PNPLA7: variants seen among roughly 807,000 people sequenced by gnomAD.
PNPLA7 encodes the protein patatin like domain 7, lysophospholipase.
Under a neutral mutation model 161.7 loss-of-function variants are expected in PNPLA7, and 153 were observed. The observed-to-expected ratio is 0.95, with a 90% CI of 0.83 to 1.08. The LOEUF is 1.08. PNPLA7 is among the 50% of genes least tolerant of loss of function. The probability of loss-of-function intolerance (pLI) is 0.00; values close to 1 mark genes in which losing one functional copy is unlikely to be tolerated. For missense variants in PNPLA7, 1,739 were observed against 1,856.6 expected (o/e 0.94, Z 1.16); for synonymous variants, 809 against 782.1 (o/e 1.03, Z -0.57).
In PNPLA7 at chr9:137,461,939, C is replaced by T; in HGVS notation, c.3748G>A (p.Ala1250Thr). ...RDQQGPSKKPASAVLTCPNAS... is the reference protein window; with the variant it reads ...RDQQGPSKKPTSAVLTCPNAS... The stretch of plus-strand genomic sequence containing the variant: ...CGGACGCCCGTACTCACCGCACTCG[C>T]GGGCTTCTTGCTCGGCCCCTGCTGG... The change falls in exon 32 of 35, where the codon GCG (alanine) becomes ACG (threonine). Residue 1250 changes from alanine to threonine, a missense_variant. Around this residue, in one of 6 missense-constraint regions of PNPLA7, gnomAD observed 703 missense variants for 694.6 expected, o/e 1.01. Coordinates refer to ENST00000406427, the MANE Select transcript of PNPLA7 (RefSeq NM_001098537.3). 6.4e-7 allele frequency: 1 copy of T among 1,573,490 alleles called. No individual in the cohort carries two copies.
At position 137,532,892 on chromosome 9, in the gene PNPLA7, C is replaced by T. The variant is rs539740061; in HGVS notation, c.747+7750G>A. Among the ~76,000 whole-genome samples, 5 of 152,314 alleles carry T rather than the reference C, an allele frequency of 3.3e-5. No homozygotes were observed. The East Asian group carries it at 9.6e-4, about 29-fold the overall frequency. Reference sequence around the variant, plus strand: ...GCTACGAATCCAAGAACAGTGTCCACTCCAGACGGGAGCACTCCCAGACTC... The same window carrying T: ...GCTACGAATCCAAGAACAGTGTCCATTCCAGACGGGAGCACTCCCAGACTC... On this transcript the variant is annotated intron_variant, in intron 8 of 34. Coordinates refer to ENST00000406427, the MANE Select transcript of PNPLA7 (RefSeq NM_001098537.3).
intron 14 of PNPLA7, among the ~76,000 whole-genome samples, chr9:137,503,549 G>A (rs530001791): frequency 7.3e-6 from 1 of 136,300 alleles, no homozygotes; most frequent in Admixed American, 7.4e-5. Context: ...GAAGGAGAAG[G>A]AGGAGGGAGA....
chr9:137,461,392 A>G (rs1411964694), intron 33 of PNPLA7, 144 bp downstream of exon 33: 4 of 891,712 alleles, frequency 4.5e-6, no homozygotes, highest in Non-Finnish European at 4.9e-6. Flanking sequence ...GAGGAGTGCC[A>G]CCAAGCACCC....
chr9:137,522,134 GCACC>G (rs1835029039), intron 9 of PNPLA7, among the ~76,000 whole-genome samples: 9 of 152,148 alleles, frequency 5.9e-5, no homozygotes, highest in African/African-American at 1.4e-4. Flanking sequence ...GAGTGCAGTG[GCACC>G]ATCTCGGCTC....
intron 24 of PNPLA7, 30 bp downstream of exon 24, chr9:137,479,026 C>T (rs1236844730): frequency 1.1e-5 from 17 of 1,524,250 alleles, no homozygotes; most frequent in East Asian, 4.8e-5. Context: ...CACGGAGCCA[C>T]GGGCAGGCAG....
chr9:137,533,492 G>A (rs1457016885), intron 8 of PNPLA7, among the ~76,000 whole-genome samples: 1 of 148,612 alleles, frequency 6.7e-6, no homozygotes, highest in Non-Finnish European at 1.5e-5. Flanking sequence ...CTCCAGGCGG[G>A]AGGACTCCCA....
At chr9:137,501,489 C>T (rs1425764669) in intron 15 of PNPLA7, among the ~76,000 whole-genome samples, 161 bp downstream of exon 15, 2 of 152,222 alleles carry the variant, frequency 1.3e-5, no homozygotes, top group African/African-American at 4.8e-5. Flanking sequence ...TCAGGGCTGC[C>T]TGAGGGGAGG....
intron 18 of PNPLA7, 123 bp from the exon 19 acceptor site, chr9:137,495,269 G>A (rs749258172): frequency 1.3e-4 from 83 of 652,094 alleles, no homozygotes; most frequent in Non-Finnish European, 1.9e-4. Flanking sequence ...ACCGCAAGGC[G>A]GAGGCAGTCA....
At position 137,543,319 on chromosome 9, in the gene PNPLA7, C is replaced by T; in HGVS notation, c.506+113G>A. 16 of 1,368,846 alleles carry T rather than the reference C, an allele frequency of 1.2e-5. No homozygotes were observed. The highest frequency in any genetic ancestry group is 3.8e-5 in the Admixed American group (2 of 52,102). 84.8% of individuals were successfully genotyped at this position (1,368,846 alleles called of 1,614,324 possible). The stretch of plus-strand genomic sequence containing the variant: ...CACAGACACCAGCAGCCCCACGATG[C>T]GCTTTGCCAACCATTCCCCCAACAC... On this transcript the variant is annotated intron_variant, in intron 6 of 34. Transcript: ENST00000406427. The surrounding 1 kb of genome is among the most constrained non-coding windows in gnomAD (Gnocchi z 6.9).
chr9:137,545,636 C>T (rs1480833781), intron 4 of PNPLA7, among the ~76,000 whole-genome samples: 1 of 152,208 alleles, frequency 6.6e-6, no homozygotes, highest in African/African-American at 2.4e-5. Flanking sequence ...TATCATTAAT[C>T]ATTAGCTTGT....
chr9:137,487,362 C>T (rs929306325), intron 20 of PNPLA7, among the ~76,000 whole-genome samples: 1 of 152,250 alleles, frequency 6.6e-6, no homozygotes, highest in African/African-American at 2.4e-5. Flanking sequence ...CCCAAAGTGC[C>T]GGCCTGGAGT....
chr9:137,459,991 G>GC lies in PNPLA7; in HGVS notation c.*401dup, dbSNP rs1191680406. On this transcript the variant is annotated 3_prime_UTR_variant, in exon 35 of 35. Coordinates refer to ENST00000406427, the MANE Select transcript of PNPLA7 (RefSeq NM_001098537.3). ...ACCTTTATTGAAACATCACACGGCAGCATCAGGGCTCCCACACCTCACAGG... is the reference window on the plus strand; with the variant it reads ...ACCTTTATTGAAACATCACACGGCAGCCATCAGGGCTCCCACACCTCACAGG... 2 of 200,778 alleles carry GC rather than the reference G, an allele frequency of 1.0e-5. No homozygotes were observed. The highest frequency in any genetic ancestry group is 4.7e-5 in the African/African-American group (2 of 42,776). 12.4% of individuals were successfully genotyped at this position (200,778 alleles called of 1,614,324 possible).
In PNPLA7 at chr9:137,541,414, A is replaced by G; in HGVS notation, c.667-692T>C. 6.1e-6 allele frequency: 6 copies of G among 985,416 alleles called. No homozygotes were observed. Among genetic ancestry groups the G allele is most frequent in the Non-Finnish European group, 7.2e-6 (6 of 829,894 alleles). 61.0% of individuals were successfully genotyped at this position (985,416 alleles called of 1,614,324 possible). ...AAGTCCAGCCACAGACAAAGCGACA[A>G]ACCTGAGAACCAAATAATTTGCCCA... On this transcript the variant is annotated intron_variant, in intron 7 of 34. Transcript: ENST00000406427. The surrounding 1 kb of genome is among the most constrained non-coding windows in gnomAD (Gnocchi z 4.4).
chr9:137,464,444 A>T lies in PNPLA7; in HGVS notation c.3052T>A (p.Leu1018Met), dbSNP rs35177111. 0.012 allele frequency: 19,914 copies of T among 1,613,768 alleles called. 1,801 individuals carry two copies. The African/African-American group carries it at 0.21, about 17-fold the overall frequency. The change falls in exon 27 of 35, where the codon TTG (leucine) becomes ATG (methionine). Residue 1018 changes from leucine (L) to methionine (M), a missense_variant. This residue lies in a region of PNPLA7 where 703 missense variants were observed against 694.6 expected (regional missense o/e 1.01). Coordinates refer to ENST00000406427, the MANE Select transcript of PNPLA7 (RefSeq NM_001098537.3). ...AKQWAEGMTS[L>M]MKAALDLTYP... is the part of the protein sequence containing the mutation. ...GTGAGGTCCAGCGCGGCCTTCATCA[A>T]GGACGTCATGCCCTGGGGCCACATG...
Position 137,519,995 on chromosome 9 carries a change from TC to T in PNPLA7, c.1005del (p.Lys336ArgfsTer40). 2 of 1,612,824 alleles carry T rather than the reference TC, an allele frequency of 1.2e-6. No homozygotes were observed. The highest frequency in any genetic ancestry group is 1.7e-6 in the Non-Finnish European group (2 of 1,179,922). Reference sequence around the variant, plus strand: ...CCATAGAACACCTGCTTCTTGGCCTTCCCGGCAGCCACACTGGCTACAGACA... The same window carrying T: ...CCATAGAACACCTGCTTCTTGGCCTTCCGGCAGCCACACTGGCTACAGACA... ...PLVSVASVAA[G>X]KAKKQVFYGE... On this transcript the variant is annotated frameshift_variant, in exon 11 of 35. Transcript: ENST00000406427. LOFTEE classifies it high-confidence loss of function.
At chr9:137,521,829 G>T in intron 9 of PNPLA7, 113 bp from the exon 10 acceptor site, 2 of 811,440 alleles carry the variant, frequency 2.5e-6, no homozygotes, top group Non-Finnish European at 1.9e-6. Flanking sequence ...AGATGCCACA[G>T]ACCGAACCCT....
chr9:137,515,562 C>T, intron 11 of PNPLA7, 43 bp from the exon 12 acceptor site: 1 of 1,491,174 alleles, frequency 6.7e-7, no homozygotes, highest in African/African-American at 1.4e-5. Flanking sequence ...TGCACGCACT[C>T]CCTGGTGTCT....
chr9:137,485,845 C>T (rs1263041957), intron 20 of PNPLA7, among the ~76,000 whole-genome samples: 1 of 152,202 alleles, frequency 6.6e-6, no homozygotes, highest in Non-Finnish European at 1.5e-5. Context: ...GCCCCTCGGC[C>T]AGCACAGTGG....
Position 137,460,343 on chromosome 9 carries a change from G to GTCT in PNPLA7, c.*49_*50insAGA. 5 of 1,556,902 alleles carry GTCT rather than the reference G, an allele frequency of 3.2e-6. No homozygotes were observed. The highest frequency in any genetic ancestry group is 4.4e-6 in the Non-Finnish European group (5 of 1,138,866). On this transcript the variant is annotated 3_prime_UTR_variant, in exon 35 of 35. Transcript: ENST00000406427. ...AGGACTTGGCAGGAGCCTCAGCCTT[G>GTCT]GGGACAGTCCCACGGAAGACGCTGC...
Sources: gnomAD v4.1 joint callset for allele counts (sites outside exome capture counted in the v4.1 genomes callset) on GRCh38, gnomAD v4.1.1 for gene constraint, gnomAD v4.1.1 regional missense constraint, Gnocchi (gnomAD v3.1) non-coding constraint, MANE v1.5 for transcripts, NCBI Gene and HGNC (gene_info 2026-07-23, HGNC 2026-07-21) for gene names.